The following CRPPA variants were observed in gnomAD, a reference collection of about 807,000 sequenced individuals.
CRPPA encodes CDP-L-ribitol pyrophosphorylase A, also known as D-ribitol-5-phosphate cytidylyltransferase.
In CRPPA, 43 loss-of-function variants were observed where a neutral mutation model predicts 52.0. The observed-to-expected ratio is 0.83, with a 90% CI of 0.65 to 1.07. The LOEUF (loss-of-function observed/expected upper bound fraction) is 1.07, where lower values mean the gene tolerates loss of function less well. Among genes scored for constraint, CRPPA ranks in the 50% least tolerant of loss-of-function variants. CRPPA has a pLI of 0.00. For missense variants in CRPPA, 629 were observed against 551.7 expected (o/e 1.14, Z -1.40); for synonymous variants, 250 against 203.5 (o/e 1.23, Z -1.94).
At chr7:16,143,774 AC>A (rs1782919339) in intron 9 of CRPPA, among the ~76,000 whole-genome samples, 1 of 152,184 alleles carries the variant, frequency 6.6e-6, no homozygotes, top group Non-Finnish European at 1.5e-5. Flanking sequence ...TTCAGAAAAG[AC>A]ACTTCTAGAG....
chr7:16,130,767 TC>T (rs1782666044), intron 9 of CRPPA, among the ~76,000 whole-genome samples: 1 of 152,226 alleles, frequency 6.6e-6, no homozygotes, highest in Non-Finnish European at 1.5e-5. Flanking sequence ...TGATGAAGTT[TC>T]CTTCTGTAGA....
intron 3 of CRPPA, among the ~76,000 whole-genome samples, chr7:16,363,810 A>G (rs1786519808): frequency 1.3e-5 from 2 of 152,190 alleles, no homozygotes; most frequent in Non-Finnish European, 1.5e-5. Flanking sequence ...CAATACAATC[A>G]TGGGAGTAGA....
chr7:16,101,319 C>T (rs1782039859), intron 9 of CRPPA, among the ~76,000 whole-genome samples: 1 of 152,098 alleles, frequency 6.6e-6, no homozygotes. Flanking sequence ...CAATTATTGC[C>T]TCAATTTCAG....
intron 9 of CRPPA, among the ~76,000 whole-genome samples, chr7:16,139,571 A>T (rs1438891397): frequency 6.6e-6 from 1 of 152,148 alleles, no homozygotes; most frequent in East Asian, 1.9e-4. Context: ...ATTAATTTTA[A>T]TGTTAAAAAC....
At chr7:16,336,712 A>G (rs1785692863) in intron 3 of CRPPA, among the ~76,000 whole-genome samples, 1 of 152,154 alleles carries the variant, frequency 6.6e-6, no homozygotes, top group Non-Finnish European at 1.5e-5. Context: ...AGTAAAAACT[A>G]AACAGGATCC....
chr7:16,345,338 C>G (rs1156874879), intron 3 of CRPPA, among the ~76,000 whole-genome samples: 1 of 152,054 alleles, frequency 6.6e-6, no homozygotes, highest in Non-Finnish European at 1.5e-5. Flanking sequence ...ACCTGTGCTA[C>G]AAGAAATACC....
At chr7:16,258,584 A>G (rs1251656665) in intron 7 of CRPPA, 102 bp from the exon 8 acceptor site, 1 of 666,882 alleles carries the variant, frequency 1.5e-6, no homozygotes, top group Non-Finnish European at 2.4e-6. Flanking sequence ...CATTCAAAAT[A>G]TTTATCAAAC....
At chr7:16,373,215 G>C (rs894398773) in intron 3 of CRPPA, among the ~76,000 whole-genome samples, 2 of 152,054 alleles carry the variant, frequency 1.3e-5, no homozygotes, top group African/African-American at 4.8e-5. Context: ...AGAATCGCTT[G>C]AACCCAGGAG....
chr7:16,236,912 TG>T (rs1024490108), intron 8 of CRPPA, among the ~76,000 whole-genome samples: 36 of 151,836 alleles, frequency 2.4e-4, no homozygotes, highest in African/African-American at 8.7e-4. Context: ...GAGTCTAACT[TG>T]CCTTTCAAAG....
intron 1 of CRPPA, among the ~76,000 whole-genome samples, chr7:16,420,026 C>T (rs1397949941): frequency 6.6e-6 from 1 of 152,128 alleles, no homozygotes; most frequent in African/African-American, 2.4e-5. Context: ...ACCCGTGGGG[C>T]GGTTACAAAA....
chr7:16,328,940 C>T (rs954506617), intron 3 of CRPPA, among the ~76,000 whole-genome samples: 6 of 152,080 alleles, frequency 3.9e-5, no homozygotes, highest in Non-Finnish European at 7.4e-5. Context: ...GGCCATAGGA[C>T]GAAACATGGA....
Position 16,216,016 on chromosome 7 carries a change from T to C in CRPPA, c.1251+50A>G, listed in dbSNP as rs78374272. The stretch of plus-strand genomic sequence containing the variant: ...CTTTTAACAAATCAGATACCTACCA[T>C]TAAAACTAGTCTACAGAACATACAT... On this transcript the variant is annotated intron_variant, in intron 9 of 9. Transcript: ENST00000407010. 7,707 of 1,421,782 alleles carry C rather than the reference T, an allele frequency of 5.4e-3. 221 individuals carry two copies. In the African/African-American group the frequency reaches 0.081, roughly 15 times the overall value. 88.1% of individuals were successfully genotyped at this position (1,421,782 alleles called of 1,614,324 possible).
intron 3 of CRPPA, among the ~76,000 whole-genome samples, chr7:16,342,749 G>GCTC (rs1785882245): frequency 9.9e-6 from 1 of 100,968 alleles, no homozygotes; most frequent in South Asian, 2.6e-4. Flanking sequence ...GCAACAGGAT[G>GCTC]AACCCTGTCT....
intron 2 of CRPPA, among the ~76,000 whole-genome samples, chr7:16,399,571 T>A (rs1161646949): frequency 6.6e-6 from 1 of 151,864 alleles, no homozygotes; most frequent in Non-Finnish European, 1.5e-5. Flanking sequence ...GACACGTTTG[T>A]GACATGTGAC....
chr7:16,122,759 A>G (rs2128370265), intron 9 of CRPPA, among the ~76,000 whole-genome samples: 2 of 152,200 alleles, frequency 1.3e-5, no homozygotes, highest in Middle Eastern at 3.4e-3. Context: ...CAATGGTAAG[A>G]GTTTAGGAAG....
intron 2 of CRPPA, among the ~76,000 whole-genome samples, chr7:16,397,799 G>A (rs989811693): frequency 1.3e-5 from 2 of 152,076 alleles, no homozygotes; most frequent in Admixed American, 1.3e-4. Context: ...GACATGATTG[G>A]CACGTGTTTA....
chr7:16,256,841 A>C (rs964401587), intron 8 of CRPPA, among the ~76,000 whole-genome samples: 8 of 152,238 alleles, frequency 5.3e-5, no homozygotes, highest in African/African-American at 1.4e-4. Flanking sequence ...GTAGCATACC[A>C]GCATGCACAT....
chr7:16,335,645 C>T (rs560084416), intron 3 of CRPPA, among the ~76,000 whole-genome samples: 1 of 152,170 alleles, frequency 6.6e-6, no homozygotes, highest in South Asian at 2.1e-4. Flanking sequence ...AGGACAGCAT[C>T]AAGCAAACTA....
At chr7:16,402,988 A>C (rs1218126717) in intron 2 of CRPPA, among the ~76,000 whole-genome samples, 1 of 152,200 alleles carries the variant, frequency 6.6e-6, no homozygotes, top group Non-Finnish European at 1.5e-5. Flanking sequence ...CACAGAGACT[A>C]AACAACACAT....
Sources: allele counts gnomAD v4.1 joint callset (sites outside exome capture counted in the v4.1 genomes callset), GRCh38; gene constraint gnomAD v4.1.1; transcripts MANE v1.5; gene names NCBI Gene and HGNC (gene_info 2026-07-23, HGNC 2026-07-21).